The following GLYAT variants were observed in gnomAD, a reference collection of about 807,000 sequenced individuals.
The protein encoded by GLYAT is glycine N-acyltransferase.
A neutral mutation model predicts 22.8 loss-of-function variants in GLYAT; 25 were observed. The observed-to-expected ratio is 1.09, with a 90% confidence interval of 0.80 to 1.53. GLYAT has a LOEUF of 1.53. GLYAT is among the 40% of genes most tolerant of loss of function. The pLI is 0.00. For synonymous variants in GLYAT, 140 were observed against 122.7 expected (o/e 1.14, Z -0.93); for missense variants, 411 against 353.9 (o/e 1.16, Z -1.29).
At chr11:58,711,299 A>G (rs1856613953) in intron 4 of GLYAT, among the ~76,000 whole-genome samples, 1 of 152,184 alleles carries the variant, frequency 6.6e-6, no homozygotes. Context: ...GTTCCAGCCA[A>G]TGGAAACCAG....
At position 58,709,707 on chromosome 11, in the gene GLYAT, C is replaced by G. The variant is rs897021406; in HGVS notation, c.*59G>C. ...TTTATTATTTCTTTTCATCCACCAT[C>G]CACTCCTCAAATTATACGCCCAGAC... is the stretch of plus-strand genomic sequence containing the variant. On this transcript the variant is annotated 3_prime_UTR_variant, in exon 6 of 6. Transcript: ENST00000344743. The G allele has an allele frequency of 4.0e-6, 6 of 1,514,610 alleles. No homozygotes were observed. Among genetic ancestry groups the G allele is most frequent in the African/African-American group, 1.4e-5 (1 of 71,852 alleles). The allele number at this position is 1,514,610 out of a possible 1,614,324, so 93.8% of individuals were successfully genotyped here.
chr11:58,710,487 T>C (rs952099731), intron 5 of GLYAT, 103 bp downstream of exon 5: 28 of 915,952 alleles, frequency 3.1e-5, no homozygotes, highest in Non-Finnish European at 7.0e-6. Flanking sequence ...CTGATTTCTT[T>C]GTACAACATT....
Position 58,709,988 on chromosome 11 carries a change from GTCCATTAGA to G in GLYAT, c.660_668del (p.Leu221_Asp223del). 6.2e-7 allele frequency: 1 copy of G among 1,614,092 alleles called. No individual in the cohort carries two copies. Among genetic ancestry groups the G allele is most frequent in the Non-Finnish European group, 8.5e-7 (1 of 1,179,976 alleles). On this transcript the variant is annotated inframe_deletion, in exon 6 of 6. Transcript: ENST00000344743. ...CTGCCATTCTCATCTCTCCAGTCTG[GTCCATTAGA>G]TCCCAGCACACAGGGGTCCCCTCAG...
In GLYAT at chr11:58,710,600, GT is replaced by G; in HGVS notation, c.477del (p.Lys159AsnfsTer23). 1 of 1,601,358 alleles carries G rather than the reference GT, an allele frequency of 6.2e-7. No homozygotes were observed. Among genetic ancestry groups the G allele is most frequent in the Non-Finnish European group, 8.6e-7 (1 of 1,168,186 alleles). On this transcript the variant is annotated frameshift_variant, in exon 5 of 6. Transcript: ENST00000344743. LOFTEE classifies it low-confidence loss of function (END_TRUNC). Reference protein sequence around the residue: ...KSKILSPNGGKPKAINQEMFK... With the variant: ...KSKILSPNGGXPKAINQEMFK... ...TTTTATCAAACTCACATGGCCTTGG[GT>G]TTGCCACCATTGGGAGATAAAATCT...
At chr11:58,718,683 C>T (rs530642556) in intron 2 of GLYAT, among the ~76,000 whole-genome samples, 2 of 151,992 alleles carry the variant, frequency 1.3e-5, no homozygotes, top group South Asian at 4.1e-4. Flanking sequence ...TTTATTACTT[C>T]TGTGGCACAC....
chr11:58,715,799 G>A (rs1374422666), intron 2 of GLYAT, among the ~76,000 whole-genome samples: 1 of 151,932 alleles, frequency 6.6e-6, no homozygotes, highest in African/African-American at 2.4e-5. Context: ...TCATTACATG[G>A]ATGCATCACA....
At chr11:58,719,607 A>T (rs1428134453) in intron 2 of GLYAT, among the ~76,000 whole-genome samples, 3 of 151,850 alleles carry the variant, frequency 2.0e-5, no homozygotes, top group Admixed American at 1.3e-4. Context: ...GAGTAGCTTT[A>T]ATTTATTGCC....
chr11:58,722,276 A>C (rs1856759834), intron 2 of GLYAT, among the ~76,000 whole-genome samples: 2 of 152,016 alleles, frequency 1.3e-5, no homozygotes, highest in African/African-American at 2.4e-5. Flanking sequence ...TCTAAACCCC[A>C]AAAATCAGAG....
In GLYAT at chr11:58,715,050, T is replaced by C. The variant is rs189060951; in HGVS notation, c.189+266A>G. Among the ~76,000 whole-genome samples the C allele has an allele frequency of 1.3e-3, 198 of 152,270 alleles. No homozygotes were observed. In the Middle Eastern group the frequency reaches 0.02, roughly 16 times the overall value. ...TCCACCAAGAAGTATACTGAACTTATCGGGTAGCCCCACCTTTGACTTCCA... is the reference window on the plus strand; with the variant it reads ...TCCACCAAGAAGTATACTGAACTTACCGGGTAGCCCCACCTTTGACTTCCA... On this transcript the variant is annotated intron_variant, in intron 3 of 5. Transcript: ENST00000344743.
At position 58,710,041 on chromosome 11, in the gene GLYAT, T is replaced by A. The variant is rs1856592375; in HGVS notation, c.616A>T (p.Thr206Ser). ...FIERCIQTFP[T>S]CCLLGPEGTP... ...CCCTCAGGCCCCAGGAGACAGCAGGTGGGAAAGGTCTGAATGCAGCGCTCA... is the reference window on the plus strand; with the variant it reads ...CCCTCAGGCCCCAGGAGACAGCAGGAGGGAAAGGTCTGAATGCAGCGCTCA... The change falls in exon 6 of 6, where the codon ACC becomes TCC. Residue 206 changes from threonine to serine, a missense_variant. Coordinates refer to ENST00000344743, the MANE Select transcript of GLYAT (RefSeq NM_201648.3). The A allele has an allele frequency of 2.5e-6, 4 of 1,613,994 alleles. No individual in the cohort carries two copies. The East Asian group carries it at 8.9e-5, about 36-fold the overall frequency.
intron 3 of GLYAT, among the ~76,000 whole-genome samples, chr11:58,713,666 G>A (rs1427507536): frequency 6.6e-6 from 1 of 152,010 alleles, no homozygotes; most frequent in Non-Finnish European, 1.5e-5. Context: ...GTAAATGACA[G>A]ATACAATTAT....
chr11:58,710,223 CTG>C, intron 5 of GLYAT, 55 bp from the exon 6 acceptor site: 2 of 1,542,030 alleles, frequency 1.3e-6, no homozygotes, highest in Non-Finnish European at 1.7e-6. Flanking sequence ...TTTGTATTTG[CTG>C]TGACCTCTAT....
intron 3 of GLYAT, among the ~76,000 whole-genome samples, chr11:58,713,397 T>C (rs574998073): frequency 2.6e-5 from 4 of 152,142 alleles, no homozygotes; most frequent in Non-Finnish European, 5.9e-5. Flanking sequence ...AGCATTCTTC[T>C]TACCACCATC....
intron 4 of GLYAT, among the ~76,000 whole-genome samples, chr11:58,711,306 C>G (rs1856614074): frequency 6.6e-6 from 1 of 152,178 alleles, no homozygotes; most frequent in Non-Finnish European, 1.5e-5. Flanking sequence ...CCAATGGAAA[C>G]CAGACACAAC....
chr11:58,720,063 T>TA (rs961644709), intron 2 of GLYAT, among the ~76,000 whole-genome samples: 1 of 152,016 alleles, frequency 6.6e-6, no homozygotes, highest in Admixed American at 6.6e-5. Flanking sequence ...CTTTTTTACC[T>TA]AAAAAAACCT....
At chr11:58,729,009 G>T (rs1856844976) in intron 1 of GLYAT, among the ~76,000 whole-genome samples, 1 of 151,816 alleles carries the variant, frequency 6.6e-6, no homozygotes, top group Non-Finnish European at 1.5e-5. Context: ...CTAGAGTCTG[G>T]CTAATTACTG....
chr11:58,715,495 A>G, intron 2 of GLYAT, 72 bp from the exon 3 acceptor site: 1 of 705,756 alleles, frequency 1.4e-6, no homozygotes, highest in Non-Finnish European at 2.5e-6. Flanking sequence ...CTTGATTAGG[A>G]CAAAAATTAT....
chr11:58,724,347 C>T, intron 2 of GLYAT, 69 bp downstream of exon 2: 1 of 756,658 alleles, frequency 1.3e-6, no homozygotes, highest in Non-Finnish European at 2.2e-6. Flanking sequence ...TCATAAATAT[C>T]AGTCCCTTTC....
chr11:58,721,563 A>G (rs1052289376), intron 2 of GLYAT, among the ~76,000 whole-genome samples: 1 of 152,060 alleles, frequency 6.6e-6, no homozygotes, highest in South Asian at 2.1e-4. Context: ...GCCTTCAAAT[A>G]CAAACATGCA....
Sources: gnomAD v4.1 joint callset for allele counts (sites outside exome capture counted in the v4.1 genomes callset) on GRCh38, gnomAD v4.1.1 for gene constraint, MANE v1.5 for transcripts, NCBI Gene and HGNC (gene_info 2026-07-23, HGNC 2026-07-21) for gene names.